Variants in DEPTOR observed in about 807,000 individuals in gnomAD.
DEPTOR encodes the protein DEP domain-containing mTOR-interacting protein.
A neutral mutation model predicts 41.6 loss-of-function variants in DEPTOR; 41 were observed. The observed-to-expected ratio is 0.98, with a 90% CI of 0.77 to 1.28. The LOEUF (loss-of-function observed/expected upper bound fraction) is 1.28. Ranked by LOEUF, DEPTOR falls within the 50% of genes most tolerant of loss-of-function variation. The pLI, the probability that DEPTOR is intolerant of heterozygous loss-of-function variation, is 0.00. For synonymous variants in DEPTOR, 195 were observed against 192.3 expected, an observed-to-expected ratio of 1.01 and a Z score of -0.12; for missense variants, 514 against 527.9, an observed-to-expected ratio of 0.97 and a Z score of 0.26.
At chr8:120,020,480 A>G (rs7813041) in intron 8 of DEPTOR, among the ~76,000 whole-genome samples, 65,099 of 151,988 alleles carry the variant, frequency 0.43, 14,594 homozygotes, top group South Asian at 0.54. Context: ...GGCTCAAGCA[A>G]TCCTCCCACC....
At chr8:120,026,977 G>T (rs1311129722) in intron 8 of DEPTOR, among the ~76,000 whole-genome samples, 1 of 152,044 alleles carries the variant, frequency 6.6e-6, no homozygotes, top group Non-Finnish European at 1.5e-5. Flanking sequence ...CCAGTACTTT[G>T]GGAGACCGAG....
At chr8:120,012,792 C>A (rs1250947730) in intron 8 of DEPTOR, among the ~76,000 whole-genome samples, 2 of 152,092 alleles carry the variant, frequency 1.3e-5, no homozygotes, top group African/African-American at 4.8e-5. Context: ...GCCTCGGCCT[C>A]CCAAAGTGCT....
chr8:119,969,553 A>G (rs1441048792), intron 4 of DEPTOR, among the ~76,000 whole-genome samples: 1 of 152,008 alleles, frequency 6.6e-6, no homozygotes, highest in Admixed American at 6.6e-5. Flanking sequence ...AGAGGGTTTC[A>G]CCATGTCAGT....
intron 5 of DEPTOR, among the ~76,000 whole-genome samples, 186 bp from the exon 6 acceptor site, chr8:120,002,791 A>AAAAATATATATATATATATATATATATAT: frequency 4.9e-5 from 3 of 60,670 alleles, no homozygotes; most frequent in Admixed American, 2.6e-4. Flanking sequence ...AAAAAAAAAA[A>AAAAATATATATATATATATATATATATAT]ATATATATAT....
chr8:120,002,791 A>AAAAAAAAATAT, intron 5 of DEPTOR, among the ~76,000 whole-genome samples, 186 bp from the exon 6 acceptor site: 7 of 60,672 alleles, frequency 1.2e-4, no homozygotes, highest in African/African-American at 3.8e-4. Flanking sequence ...AAAAAAAAAA[A>AAAAAAAAATAT]ATATATATAT....
intron 4 of DEPTOR, among the ~76,000 whole-genome samples, chr8:119,974,892 C>T (rs1828678697): frequency 6.6e-6 from 1 of 151,830 alleles, no homozygotes; most frequent in Non-Finnish European, 1.5e-5. Context: ...AGACCTTATA[C>T]AAATGTATGG....
intron 1 of DEPTOR, among the ~76,000 whole-genome samples, chr8:119,900,624 A>G (rs1299241010): frequency 1.3e-5 from 2 of 151,914 alleles, no homozygotes; most frequent in Non-Finnish European, 2.9e-5. Context: ...CCTGGGCTCA[A>G]GTGATCCTCC....
At position 119,996,302 on chromosome 8, in the gene DEPTOR, T is replaced by G. The variant is rs562961497; in HGVS notation, c.605-5223T>G. Among the ~76,000 whole-genome samples, 3 of 152,362 alleles carry G rather than the reference T, an allele frequency of 2.0e-5. No individual in the cohort carries two copies. In the South Asian group the frequency reaches 6.2e-4, roughly 32 times the overall value. On this transcript the variant is annotated intron_variant, in intron 4 of 8. Transcript: ENST00000286234. Reference sequence around the variant, plus strand: ...AGGCCAAATGTCAGCATATCATCAATAGGTGATGATAACAGTAAAAAACAA... The same window carrying G: ...AGGCCAAATGTCAGCATATCATCAAGAGGTGATGATAACAGTAAAAAACAA...
intron 3 of DEPTOR, among the ~76,000 whole-genome samples, chr8:119,946,931 A>G (rs1420104135): frequency 6.6e-6 from 1 of 151,988 alleles, no homozygotes; most frequent in Admixed American, 6.6e-5. Flanking sequence ...GATGCCTGGA[A>G]TTTGTTATTC....
chr8:119,936,888 G>A (rs1002334154), intron 3 of DEPTOR, among the ~76,000 whole-genome samples: 8 of 152,152 alleles, frequency 5.3e-5, no homozygotes, highest in African/African-American at 1.9e-4. Flanking sequence ...GCTGGGCATG[G>A]TGGTGGGCAC....
At chr8:119,980,896 G>A (rs1052887359) in intron 4 of DEPTOR, among the ~76,000 whole-genome samples, 8 of 152,034 alleles carry the variant, frequency 5.3e-5, no homozygotes, top group Non-Finnish European at 1.2e-4. Flanking sequence ...TATTTTTACA[G>A]TGCCAGTTTG....
At position 120,028,547 on chromosome 8, in the gene DEPTOR, C is replaced by T. The variant is rs543765275; in HGVS notation, c.1101+19414C>T. On this transcript the variant is annotated intron_variant, in intron 8 of 8. Coordinates refer to ENST00000286234, the MANE Select transcript of DEPTOR (RefSeq NM_022783.4). ...GATCTCGGCTCACTGCAACCTCCCC[C>T]TTCCAGTGAATCAAGCAATTCTCCT... Among the ~76,000 whole-genome samples, 3 of 149,620 alleles carry T rather than the reference C, an allele frequency of 2.0e-5. No homozygotes were observed. The South Asian group carries it at 6.4e-4, about 32-fold the overall frequency.
intron 4 of DEPTOR, among the ~76,000 whole-genome samples, chr8:119,999,602 C>T (rs1325503007): frequency 6.6e-6 from 1 of 152,156 alleles, no homozygotes; most frequent in Non-Finnish European, 1.5e-5. Flanking sequence ...CCAGCCTGGG[C>T]AACAGAGTGA....
At chr8:120,035,824 G>T (rs1316073871) in intron 8 of DEPTOR, among the ~76,000 whole-genome samples, 1 of 152,200 alleles carries the variant, frequency 6.6e-6, no homozygotes, top group Non-Finnish European at 1.5e-5. Flanking sequence ...GAGCCACTGG[G>T]CCTGGCCATG....
In DEPTOR at chr8:119,988,956, T is replaced by TC. The variant is rs1323412652; in HGVS notation, c.605-12569_605-12568insC. On this transcript the variant is annotated intron_variant, in intron 4 of 8. Transcript: ENST00000286234. ...GTGCTATAGCCATATCCTTTTTTTT[T>TC]TCTTTTTTTTTTTTTTTTTTTTTTA... Among the ~76,000 whole-genome samples, 50 of 117,268 alleles carry TC rather than the reference T, an allele frequency of 4.3e-4. 1 individual carries two copies. The highest frequency in any genetic ancestry group is 1.5e-3 in the East Asian group (6 of 3,930). The allele number at this position is 117,268 out of a possible 152,430, so 76.9% of individuals were successfully genotyped here. A position where few individuals can be genotyped will look rare whatever the true frequency, so the allele number is the denominator to read the frequency against.
intron 1 of DEPTOR, among the ~76,000 whole-genome samples, chr8:119,910,721 G>A (rs1217522586): frequency 2.0e-5 from 3 of 152,112 alleles, no homozygotes; most frequent in African/African-American, 7.2e-5. Context: ...GATTACAGGT[G>A]TCAGCCACTG....
chr8:119,876,495 G>A (rs940221479), intron 1 of DEPTOR, among the ~76,000 whole-genome samples: 6 of 152,006 alleles, frequency 3.9e-5, no homozygotes, highest in African/African-American at 7.2e-5. Context: ...AGAATTAGCC[G>A]GGTGTGGTGG....
In DEPTOR at chr8:119,958,830, C is replaced by T. The variant is rs145188421; in HGVS notation, c.426-6402C>T. On this transcript the variant is annotated intron_variant, in intron 3 of 8. Coordinates refer to ENST00000286234, the MANE Select transcript of DEPTOR (RefSeq NM_022783.4). ...GAATAACCTCACTTTCACTGCATCC[C>T]GTTGGTCAGAGCAAGTCACAAAGCT... Among the ~76,000 whole-genome samples, 38 of 151,866 alleles carry T rather than the reference C, an allele frequency of 2.5e-4. No individual in the cohort carries two copies. In the East Asian group the frequency reaches 7.0e-3, roughly 28 times the overall value.
At chr8:119,956,086 C>T (rs1828413762) in intron 3 of DEPTOR, among the ~76,000 whole-genome samples, 1 of 152,106 alleles carries the variant, frequency 6.6e-6, no homozygotes, top group African/African-American at 2.4e-5. Context: ...AGAGGAGCTG[C>T]CCAGGTGAAC....
Sources: allele counts gnomAD v4.1 joint callset (sites outside exome capture counted in the v4.1 genomes callset), GRCh38; gene constraint gnomAD v4.1.1; transcripts MANE v1.5; gene names NCBI Gene and HGNC (gene_info 2026-07-23, HGNC 2026-07-21).